The following SORCS1 variants were observed in gnomAD, a reference collection of about 807,000 sequenced individuals.
SORCS1 encodes sortilin related VPS10 domain containing receptor 1, also known as VPS10 domain-containing receptor SorCS1.
SORCS1 carries 60 observed loss-of-function variants against 146.1 expected under a neutral mutation model. That is an observed-to-expected ratio of 0.41 (90% CI 0.33 to 0.51). SORCS1 has a LOEUF of 0.51. Among genes scored for constraint, SORCS1 ranks in the 20% least tolerant of loss-of-function variants. The pLI is 0.21. For missense variants in SORCS1, 1,352 were observed against 1,487.6 expected (o/e 0.91, Z 1.50); for synonymous variants, 637 against 584.0 (o/e 1.09, Z -1.31).
rs1847071657 is a variant in SORCS1 at position 106,612,454 on chromosome 10, A to T, written c.2921-431T>A. 5.0e-5 allele frequency among the ~76,000 whole-genome samples: 7 copies of T among 141,352 alleles called. No homozygotes were observed. In the Admixed American group the frequency reaches 5.4e-4, roughly 11 times the overall value. The allele number at this position is 141,352 out of a possible 152,430, so 92.7% of individuals were successfully genotyped here. On this transcript the variant is annotated intron_variant, in intron 21 of 25. Coordinates refer to ENST00000263054, the MANE Select transcript of SORCS1 (RefSeq NM_052918.5). ...CAGTTATATGAGGAGGCAGTGTCTGATTTGCATAGGGCTTAGGGATTGGTT... is the reference window on the plus strand; with the variant it reads ...CAGTTATATGAGGAGGCAGTGTCTGTTTTGCATAGGGCTTAGGGATTGGTT...
intron 5 of SORCS1, among the ~76,000 whole-genome samples, chr10:106,734,030 A>G (rs1856786806): frequency 6.6e-6 from 1 of 152,178 alleles, no homozygotes; most frequent in Non-Finnish European, 1.5e-5. Context: ...TTTTTGCACC[A>G]GTCAATATTT....
intron 1 of SORCS1, among the ~76,000 whole-genome samples, chr10:106,958,231 G>A (rs1318419402): frequency 2.0e-5 from 3 of 152,188 alleles, no homozygotes; most frequent in African/African-American, 7.2e-5. Context: ...TCAGTTTTCT[G>A]TCGAAGTTCG....
intron 1 of SORCS1, among the ~76,000 whole-genome samples, chr10:107,059,381 T>C (rs535284128): frequency 6.6e-6 from 1 of 152,356 alleles, no homozygotes; most frequent in Non-Finnish European, 1.5e-5. Context: ...TATTTTTCAA[T>C]GTTCTTTATT....
intron 3 of SORCS1, among the ~76,000 whole-genome samples, chr10:106,793,445 G>A (rs899431837): frequency 6.6e-6 from 1 of 152,170 alleles, no homozygotes; most frequent in African/African-American, 2.4e-5. Flanking sequence ...TAAAGCAACA[G>A]AACCTATTTA....
intron 2 of SORCS1, among the ~76,000 whole-genome samples, chr10:106,854,067 A>T (rs1362735559): frequency 6.6e-6 from 1 of 151,942 alleles, no homozygotes; most frequent in Non-Finnish European, 1.5e-5. Context: ...TCCAATTATA[A>T]TAATGACTTC....
intron 18 of SORCS1, among the ~76,000 whole-genome samples, chr10:106,651,840 G>C (rs1302606301): frequency 6.6e-6 from 1 of 151,998 alleles, no homozygotes; most frequent in Non-Finnish European, 1.5e-5. Context: ...CCATAATCTG[G>C]CAAATAATAA....
intron 1 of SORCS1, among the ~76,000 whole-genome samples, chr10:106,971,620 T>C (rs1417452772): frequency 1.3e-5 from 2 of 152,246 alleles, no homozygotes; most frequent in Non-Finnish European, 1.5e-5. Flanking sequence ...TGTAACTCTT[T>C]TGTGAGGGCT....
chr10:106,931,682 T>C (rs1166652166), intron 2 of SORCS1, among the ~76,000 whole-genome samples: 1 of 152,228 alleles, frequency 6.6e-6, no homozygotes, highest in Non-Finnish European at 1.5e-5. Context: ...AGAATGATTT[T>C]GGTTTAAGAA....
Position 106,817,598 on chromosome 10 carries a change from T to C in SORCS1, c.726+11976A>G, listed in dbSNP as rs148403063. Among the ~76,000 whole-genome samples, 47 of 152,286 alleles carry C rather than the reference T, an allele frequency of 3.1e-4. No homozygotes were observed. In the East Asian group the frequency reaches 5.0e-3, roughly 16 times the overall value. ...ATCAAGAATTTACATAAACGATCTATCAAAGGAACATTTTATGAGCTTTAA... is the reference window on the plus strand; with the variant it reads ...ATCAAGAATTTACATAAACGATCTACCAAAGGAACATTTTATGAGCTTTAA... On this transcript the variant is annotated intron_variant, in intron 3 of 25. Coordinates refer to ENST00000263054, the MANE Select transcript of SORCS1 (RefSeq NM_052918.5).
chr10:106,594,556 G>GA (rs1845797127), intron 24 of SORCS1, among the ~76,000 whole-genome samples: 1 of 152,194 alleles, frequency 6.6e-6, no homozygotes. Context: ...ATGGAAGGAA[G>GA]AAAAAGAGTG....
chr10:107,067,888 C>A (rs1287400800), intron 1 of SORCS1, among the ~76,000 whole-genome samples: 1 of 152,102 alleles, frequency 6.6e-6, no homozygotes, highest in Non-Finnish European at 1.5e-5. Flanking sequence ...AAGTGCCTGG[C>A]ACATTAAGAG....
intron 1 of SORCS1, among the ~76,000 whole-genome samples, chr10:107,032,812 T>G (rs1742053160): frequency 6.6e-6 from 1 of 152,132 alleles, no homozygotes; most frequent in Non-Finnish European, 1.5e-5. Flanking sequence ...CACCCTCTCT[T>G]CACTCTGCGC....
intron 1 of SORCS1, among the ~76,000 whole-genome samples, chr10:107,091,628 A>G (rs867469158): frequency 2.0e-5 from 3 of 152,296 alleles, no homozygotes; most frequent in Middle Eastern, 3.4e-3. Flanking sequence ...TGCTACATTA[A>G]GGATCCAGGT....
intron 3 of SORCS1, among the ~76,000 whole-genome samples, chr10:106,778,953 A>T (rs1330068612): frequency 2.0e-5 from 3 of 152,218 alleles, no homozygotes. Context: ...TTTATCAATC[A>T]CTTTAAAGTA....
intron 1 of SORCS1, among the ~76,000 whole-genome samples, chr10:107,130,526 T>C (rs1966855410): frequency 6.6e-6 from 1 of 152,194 alleles, no homozygotes; most frequent in Non-Finnish European, 1.5e-5. Context: ...TTTAGAGTTG[T>C]AAAAGGAGTT....
At chr10:106,762,386 CTTTTTTTTTTT>C (rs869195563) in intron 4 of SORCS1, among the ~76,000 whole-genome samples, 2 of 73,828 alleles carry the variant, frequency 2.7e-5, no homozygotes, top group South Asian at 1.2e-3. Context: ...TTTTATTATT[CTTTTTTTTTTT>C]TTTTTTTTTT....
intron 1 of SORCS1, among the ~76,000 whole-genome samples, chr10:107,037,331 C>T (rs1261244110): frequency 1.3e-5 from 2 of 152,208 alleles, no homozygotes; most frequent in Non-Finnish European, 2.9e-5. Context: ...CATGGTGACA[C>T]AAGTTATGTA....
rs77892170 is a variant in SORCS1, at chr10:107,057,353, C to A, written c.559-100773G>T. ...CACAACTCAGTATCTAGGTTTAGTT[C>A]TTAGAGAAAGGAATTGATTAAGATA... On this transcript the variant is annotated intron_variant, in intron 1 of 25. Transcript: ENST00000263054. Among the ~76,000 whole-genome samples the A allele has an allele frequency of 3.3e-3, 505 of 152,270 alleles. 3 individuals are homozygous for A. The highest frequency in any genetic ancestry group is 0.012 in the African/African-American group (487 of 41,560).
chr10:107,065,087 G>C (rs1961614075), intron 1 of SORCS1, among the ~76,000 whole-genome samples: 4 of 152,276 alleles, frequency 2.6e-5, no homozygotes, highest in Middle Eastern at 6.8e-3. Flanking sequence ...TTGACTGACA[G>C]GTTGTTGAAG....
Sources: gnomAD v4.1 joint callset for allele counts (sites outside exome capture counted in the v4.1 genomes callset) on GRCh38, gnomAD v4.1.1 for gene constraint, MANE v1.5 for transcripts, NCBI Gene and HGNC (gene_info 2026-07-23, HGNC 2026-07-21) for gene names.